CNTNAP4: variants seen among roughly 807,000 people sequenced by gnomAD.
The protein encoded by CNTNAP4 is contactin-associated protein-like 4.
In CNTNAP4, 98 loss-of-function variants were observed where a neutral mutation model predicts 148.4. That is an observed-to-expected ratio of 0.66 (90% CI 0.56 to 0.78). The LOEUF (loss-of-function observed/expected upper bound fraction) is 0.78, where lower values mean the gene tolerates loss of function less well. Among genes scored for constraint, CNTNAP4 ranks in the 30% least tolerant of loss-of-function variants. CNTNAP4 has a pLI of 0.00. For missense variants in CNTNAP4, 1,935 were observed against 1,565.6 expected, an observed-to-expected ratio of 1.24 and a Z score of -3.98; for synonymous variants, 730 against 565.1, an observed-to-expected ratio of 1.29 and a Z score of -4.14.
At chr16:76,547,479 C>T (rs2144354096) in intron 21 of CNTNAP4, among the ~76,000 whole-genome samples, 1 of 152,168 alleles carries the variant, frequency 6.6e-6, no homozygotes, top group South Asian at 2.1e-4. Flanking sequence ...GGCACAAGAA[C>T]ACTAACAATA....
intron 4 of CNTNAP4, among the ~76,000 whole-genome samples, chr16:76,443,209 AATTCTT>A (rs2080110250): frequency 6.6e-6 from 1 of 152,098 alleles, no homozygotes; most frequent in African/African-American, 2.4e-5. Context: ...TTAGAAAAAT[AATTCTT>A]ATTCTTCCTT....
At chr16:76,427,271 C>T (rs989870943) in intron 3 of CNTNAP4, among the ~76,000 whole-genome samples, 181 bp from the exon 4 acceptor site, 21 of 152,052 alleles carry the variant, frequency 1.4e-4, no homozygotes, top group South Asian at 2.1e-4. Context: ...AAAGTTGAAG[C>T]GACAGTAATT....
At chr16:76,456,458 G>A (rs2080735144) in intron 8 of CNTNAP4, among the ~76,000 whole-genome samples, 1 of 152,216 alleles carries the variant, frequency 6.6e-6, no homozygotes, top group African/African-American at 2.4e-5. Flanking sequence ...ATAAGTATCA[G>A]GAGAGAAAGA....
chr16:76,501,307 G>A (rs1046474924), intron 15 of CNTNAP4, among the ~76,000 whole-genome samples: 7 of 152,156 alleles, frequency 4.6e-5, no homozygotes, highest in African/African-American at 9.7e-5. Context: ...TATACATCAC[G>A]TGTACCTTTC....
intron 1 of CNTNAP4, among the ~76,000 whole-genome samples, chr16:76,278,005 G>C (rs1958545588): frequency 6.6e-6 from 1 of 152,172 alleles, no homozygotes; most frequent in South Asian, 2.1e-4. Context: ...TATTCATTGA[G>C]AATGCCCAAG....
intron 14 of CNTNAP4, among the ~76,000 whole-genome samples, chr16:76,497,150 TTTAAA>T (rs1318005782): frequency 6.6e-6 from 1 of 152,190 alleles, no homozygotes; most frequent in African/African-American, 2.4e-5. Context: ...AAAGCCAGTG[TTTAAA>T]TTATTTTCTT....
At chr16:76,326,020 A>G (rs926382192) in intron 2 of CNTNAP4, among the ~76,000 whole-genome samples, 9 of 152,218 alleles carry the variant, frequency 5.9e-5, no homozygotes, top group African/African-American at 2.2e-4. Context: ...ATATGCCTTC[A>G]AATATGACTT....
rs529151822 is a variant in CNTNAP4, at chr16:76,429,787, G to T, written c.538+2188G>T. 2.0e-5 allele frequency among the ~76,000 whole-genome samples: 3 copies of T among 152,212 alleles called. No homozygotes were observed. The East Asian group carries it at 5.8e-4, about 29-fold the overall frequency. On this transcript the variant is annotated intron_variant, in intron 4 of 23. Coordinates refer to ENST00000611870, the MANE Select transcript of CNTNAP4 (RefSeq NM_033401.5). ...TGTTCTTTTTGTTGCAACTTCATTTGCTATATTTGGGGTGAGCATACTGTC... is the reference window on the plus strand; with the variant it reads ...TGTTCTTTTTGTTGCAACTTCATTTTCTATATTTGGGGTGAGCATACTGTC...
chr16:76,525,082 G>C (rs180702301), intron 17 of CNTNAP4, among the ~76,000 whole-genome samples: 1 of 152,220 alleles, frequency 6.6e-6, no homozygotes, highest in East Asian at 1.9e-4. Context: ...TAGTCTGTTA[G>C]GAAAGGGCTT....
At chr16:76,483,321 CAAG>C (rs1182606471) in intron 12 of CNTNAP4, among the ~76,000 whole-genome samples, 1 of 150,164 alleles carries the variant, frequency 6.7e-6, no homozygotes, top group Admixed American at 6.7e-5. Flanking sequence ...GTAAAGTAAC[CAAG>C]AACACTGGAT....
chr16:76,447,338 G>GTATATATATATATGAAATTATGTA (rs1555559365), intron 4 of CNTNAP4, among the ~76,000 whole-genome samples: 1 of 117,390 alleles, frequency 8.5e-6, no homozygotes, highest in African/African-American at 2.7e-5. Flanking sequence ...ATGAAATTAT[G>GTATATATATATATGAAATTATGTA]TATATATATA....
intron 3 of CNTNAP4, among the ~76,000 whole-genome samples, chr16:76,372,946 C>T (rs898367256): frequency 3.3e-5 from 5 of 152,076 alleles, no homozygotes; most frequent in African/African-American, 4.8e-5. Flanking sequence ...AATGTGGTTT[C>T]GAAGAGATAT....
chr16:76,487,115 T>A (rs2082055653), intron 12 of CNTNAP4, among the ~76,000 whole-genome samples: 1 of 152,196 alleles, frequency 6.6e-6, no homozygotes. Flanking sequence ...AGATTTAACA[T>A]TATTTAGCAA....
At chr16:76,531,450 T>A (rs2083981477) in intron 17 of CNTNAP4, among the ~76,000 whole-genome samples, 1 of 152,138 alleles carries the variant, frequency 6.6e-6, no homozygotes, top group Non-Finnish European at 1.5e-5. Flanking sequence ...ACAGGTTCAG[T>A]TAAACTCAAT....
At chr16:76,305,439 T>C (rs1960382218) in intron 1 of CNTNAP4, among the ~76,000 whole-genome samples, 1 of 152,184 alleles carries the variant, frequency 6.6e-6, no homozygotes, top group Non-Finnish European at 1.5e-5. Flanking sequence ...GCTTTCCTGA[T>C]GTTTATTTCA....
intron 2 of CNTNAP4, among the ~76,000 whole-genome samples, chr16:76,331,185 TTTTTTC>T (rs1315500229): frequency 4.6e-5 from 7 of 152,038 alleles, no homozygotes; most frequent in African/African-American, 1.7e-4. Context: ...TTGTTTTCTG[TTTTTTC>T]TTTTTCTTTT....
chr16:76,485,636 G>C (rs1474282938), intron 12 of CNTNAP4, among the ~76,000 whole-genome samples: 2 of 152,114 alleles, frequency 1.3e-5, no homozygotes, highest in African/African-American at 4.8e-5. Flanking sequence ...GACTCAGTAA[G>C]TTTAGAACAC....
intron 3 of CNTNAP4, among the ~76,000 whole-genome samples, chr16:76,359,993 C>T (rs1279329806): frequency 6.6e-6 from 1 of 152,164 alleles, no homozygotes; most frequent in Non-Finnish European, 1.5e-5. Context: ...ATACTGCAGA[C>T]TACAAGGGCA....
At chr16:76,463,490 CAT>C (rs1377914292) in intron 9 of CNTNAP4, among the ~76,000 whole-genome samples, 2 of 152,100 alleles carry the variant, frequency 1.3e-5, no homozygotes, top group Admixed American at 6.5e-5. Context: ...ATATATCACA[CAT>C]GTACTCTGTA....
Sources: allele counts gnomAD v4.1 joint callset (sites outside exome capture counted in the v4.1 genomes callset), GRCh38; gene constraint gnomAD v4.1.1; transcripts MANE v1.5; gene names NCBI Gene and HGNC (gene_info 2026-07-23, HGNC 2026-07-21).